PGM2L1: variants seen among roughly 807,000 people sequenced by gnomAD.
PGM2L1 encodes glucose 1,6-bisphosphate synthase.
In PGM2L1, 35 loss-of-function variants were observed where a neutral mutation model predicts 73.4. The observed-to-expected ratio is 0.48, with a 90% CI of 0.36 to 0.63. The LOEUF (loss-of-function observed/expected upper bound fraction) is 0.63. Ranked by LOEUF, PGM2L1 falls within the 30% of genes least tolerant of loss-of-function variation. The probability of loss-of-function intolerance (pLI) is 0.00; values close to 1 mark genes in which losing one functional copy is unlikely to be tolerated. For missense variants in PGM2L1, 570 were observed against 742.0 expected (o/e 0.77, Z 2.69); for synonymous variants, 225 against 253.8 (o/e 0.89, Z 1.08).
At position 74,354,848 on chromosome 11, in the gene PGM2L1, A is replaced by G; in HGVS notation, c.556-3272T>C. On this transcript the variant is annotated intron_variant, in intron 5 of 13. Coordinates refer to ENST00000298198, the MANE Select transcript of PGM2L1 (RefSeq NM_173582.6). ...TATGGGAAAAAAATGAAGCGACTGT[A>G]ATCATGACTGACCGAGGCAGTGGCA... 7 of 869,278 alleles carry G rather than the reference A, an allele frequency of 8.1e-6. No individual in the cohort carries two copies. In the South Asian group the frequency reaches 9.1e-5, roughly 11 times the overall value. The allele number at this position is 869,278 out of a possible 1,614,324, so 53.8% of individuals were successfully genotyped here. A position where few individuals can be genotyped will look rare whatever the true frequency, so the allele number is the denominator to read the frequency against.
intron 1 of PGM2L1, among the ~76,000 whole-genome samples, chr11:74,378,244 G>A (rs1423017745): frequency 1.3e-5 from 2 of 151,986 alleles, no homozygotes; most frequent in Non-Finnish European, 2.9e-5. Context: ...AGAGGTTTTA[G>A]TGAGCCGAGA....
intron 5 of PGM2L1, among the ~76,000 whole-genome samples, chr11:74,365,485 C>A (rs1862640788): frequency 6.6e-6 from 1 of 152,146 alleles, no homozygotes; most frequent in Non-Finnish European, 1.5e-5. Context: ...GGGCTAATAT[C>A]CAGAATCTAC....
chr11:74,342,387 C>G, intron 12 of PGM2L1, 74 bp downstream of exon 12: 1 of 1,180,446 alleles, frequency 8.5e-7, no homozygotes, highest in Non-Finnish European at 1.2e-6. Context: ...TGAAATCTGT[C>G]CTGCCTCTGG....
chr11:74,353,872 T>G (rs12802194), intron 5 of PGM2L1, among the ~76,000 whole-genome samples: 1,045 of 14,862 alleles, frequency 0.07, 10 homozygotes, highest in Middle Eastern at 0.21. Context: ...ATGGGGTGGC[T>G]GCCGGGCGGG....
intron 1 of PGM2L1, among the ~76,000 whole-genome samples, chr11:74,384,940 C>T (rs553621713): frequency 4.7e-4 from 71 of 152,298 alleles, no homozygotes; most frequent in African/African-American, 1.6e-3. Context: ...AAAAGACTGA[C>T]AATCTTCTTA....
intron 1 of PGM2L1, among the ~76,000 whole-genome samples, chr11:74,376,953 T>C (rs1477147460): frequency 6.6e-6 from 1 of 152,184 alleles, no homozygotes; most frequent in Non-Finnish European, 1.5e-5. Flanking sequence ...TAGATGTTGA[T>C]GTTATAAACT....
Position 74,347,282 on chromosome 11 carries a change from C to T in PGM2L1, c.805G>A (p.Gly269Arg), listed in dbSNP as rs1185532280. The change falls in exon 7 of 14, where the codon GGA (glycine) becomes AGA (arginine). Residue 269 changes from glycine (G) to arginine (R), a missense_variant. By Grantham distance (125) the Gly-to-Arg change is moderately radical. Transcript: ENST00000298198. ...AAAGCCAACTGCACATAGTCATGTC[C>T]GACCCCATGAAAAGATGTGTGCACA... ...KFVHTSFHGV[G>R]HDYVQLAFKV... 2 of 1,610,718 alleles carry T rather than the reference C, an allele frequency of 1.2e-6. No homozygotes were observed. Among genetic ancestry groups the T allele is most frequent in the Non-Finnish European group, 1.7e-6 (2 of 1,178,460 alleles).
intron 1 of PGM2L1, among the ~76,000 whole-genome samples, chr11:74,396,560 G>C (rs144798425): frequency 0.011 from 1,687 of 152,164 alleles, 33 homozygotes; most frequent in African/African-American, 0.039. Context: ...GGCTACAGGC[G>C]CCCGCCACCG....
intron 1 of PGM2L1, among the ~76,000 whole-genome samples, chr11:74,388,166 G>A (rs1296391601): frequency 6.6e-6 from 1 of 152,156 alleles, no homozygotes; most frequent in Non-Finnish European, 1.5e-5. Flanking sequence ...AGGAGGAATG[G>A]AGAGTTGCTA....
intron 3 of PGM2L1, among the ~76,000 whole-genome samples, chr11:74,371,216 C>T (rs1862747828): frequency 6.6e-6 from 1 of 152,056 alleles, no homozygotes; most frequent in East Asian, 1.9e-4. Flanking sequence ...TTTCAATTTC[C>T]TCTTTTTCCC....
chr11:74,367,653 CAT>C, intron 5 of PGM2L1, among the ~76,000 whole-genome samples: 1 of 152,304 alleles, frequency 6.6e-6, no homozygotes, highest in East Asian at 1.9e-4. Flanking sequence ...TATGCTCTAA[CAT>C]GTGTGGTGAC....
Position 74,347,352 on chromosome 11 carries a change from C to A in PGM2L1, c.750-15G>T. 1 of 1,557,412 alleles carries A rather than the reference C, an allele frequency of 6.4e-7. No homozygotes were observed. Among genetic ancestry groups the A allele is most frequent in the South Asian group, 1.2e-5 (1 of 81,176 alleles). ...AGTTTAACTCCCTGTAAAGGAAAATCAACATAAGATCATGATTACAAAACC... is the reference window on the plus strand; with the variant it reads ...AGTTTAACTCCCTGTAAAGGAAAATAAACATAAGATCATGATTACAAAACC... On this transcript the variant is annotated splice_polypyrimidine_tract_variant and intron_variant, in intron 6 of 13. Coordinates refer to ENST00000298198, the MANE Select transcript of PGM2L1 (RefSeq NM_173582.6).
At chr11:74,360,056 A>C (rs376999296) in intron 5 of PGM2L1, among the ~76,000 whole-genome samples, 1 of 152,050 alleles carries the variant, frequency 6.6e-6, no homozygotes, top group Non-Finnish European at 1.5e-5. Flanking sequence ...CCTGGGCAAC[A>C]TAGCAAGACC....
chr11:74,373,021 C>G (rs1023415895), intron 2 of PGM2L1, among the ~76,000 whole-genome samples: 39 of 119,600 alleles, frequency 3.3e-4, no homozygotes, highest in African/African-American at 9.7e-4. Context: ...GTAGTTTTTG[C>G]CATTAAAAAA....
At chr11:74,347,457 G>A in intron 6 of PGM2L1, 120 bp from the exon 7 acceptor site, 1 of 783,704 alleles carries the variant, frequency 1.3e-6, no homozygotes, top group Non-Finnish European at 1.9e-6. Flanking sequence ...TTCAGCAGAG[G>A]TCTAAGATAT....
At chr11:74,343,270 A>G (rs1862210693) in intron 10 of PGM2L1, 53 bp downstream of exon 10, 1 of 1,524,784 alleles carries the variant, frequency 6.6e-7, no homozygotes. Flanking sequence ...CTACAGAATT[A>G]CATTTTAAAA....
At chr11:74,390,046 G>A (rs530007928) in intron 1 of PGM2L1, among the ~76,000 whole-genome samples, 5 of 148,438 alleles carry the variant, frequency 3.4e-5, no homozygotes, top group Admixed American at 1.3e-4. Flanking sequence ...GTGAACCCGG[G>A]AGGCAGAGCT....
intron 1 of PGM2L1, among the ~76,000 whole-genome samples, chr11:74,385,130 C>A (rs1863001139): frequency 6.6e-6 from 1 of 152,160 alleles, no homozygotes; most frequent in Non-Finnish European, 1.5e-5. Context: ...ATTTTTAAAT[C>A]TATATTTTGT....
At chr11:74,345,902 G>A (rs1862254246) in intron 8 of PGM2L1, among the ~76,000 whole-genome samples, 1 of 152,034 alleles carries the variant, frequency 6.6e-6, no homozygotes, top group Non-Finnish European at 1.5e-5. Context: ...AAAAAATTAT[G>A]ATAAATAATT....
Sources: allele counts gnomAD v4.1 joint callset (sites outside exome capture counted in the v4.1 genomes callset), GRCh38; gene constraint gnomAD v4.1.1; transcripts MANE v1.5; gene names NCBI Gene and HGNC (gene_info 2026-07-23, HGNC 2026-07-21).